The following GRAMD1B variants were observed in gnomAD, a reference collection of about 807,000 sequenced individuals.
GRAMD1B encodes protein Aster-B.
Under a neutral mutation model 99.7 loss-of-function variants are expected in GRAMD1B, and 37 were observed. That is an observed-to-expected ratio of 0.37 (90% confidence interval 0.29 to 0.49). The LOEUF (loss-of-function observed/expected upper bound fraction) is 0.49. Among genes scored for constraint, GRAMD1B ranks in the 20% least tolerant of loss-of-function variants. The pLI, the probability that GRAMD1B is intolerant of heterozygous loss-of-function variation, is 0.98. For synonymous variants in GRAMD1B, 427 were observed against 387.6 expected (o/e 1.10, Z -1.19); for missense variants, 888 against 1,009.2 (o/e 0.88, Z 1.63).
intron 1 of GRAMD1B, among the ~76,000 whole-genome samples, chr11:123,445,191 G>A (rs998275587): frequency 6.6e-6 from 1 of 152,200 alleles, no homozygotes; most frequent in Non-Finnish European, 1.5e-5. Context: ...TCTCCAAAGT[G>A]GGAAGAGTGT....
At chr11:123,559,980 G>A (rs1946533589) in intron 2 of GRAMD1B, among the ~76,000 whole-genome samples, 1 of 152,156 alleles carries the variant, frequency 6.6e-6, no homozygotes, top group Admixed American at 6.5e-5. Context: ...GCAGCACCTG[G>A]GAAATAATTG....
At chr11:123,483,391 CTTTTT>C (rs67407274) in intron 2 of GRAMD1B, among the ~76,000 whole-genome samples, 1 of 134,180 alleles carries the variant, frequency 7.5e-6, no homozygotes. Context: ...TTTTCTTTTT[CTTTTT>C]TTTTTTTTTT....
At chr11:123,544,722 G>A (rs190245210) in intron 2 of GRAMD1B, among the ~76,000 whole-genome samples, 2 of 152,376 alleles carry the variant, frequency 1.3e-5, no homozygotes, top group East Asian at 3.9e-4. Context: ...TCAGAAGCCA[G>A]CAGGTGCACA....
At position 123,430,876 on chromosome 11, in the gene GRAMD1B, G is replaced by T; in HGVS notation, c.84G>T (p.Pro28=). 3 of 702,358 alleles carry T rather than the reference G, an allele frequency of 4.3e-6. No individual in the cohort carries two copies. In the South Asian group the frequency reaches 4.4e-5, roughly 10 times the overall value. 43.5% of individuals were successfully genotyped at this position (702,358 alleles called of 1,614,324 possible). A position where few individuals can be genotyped will look rare whatever the true frequency, so the allele number is the denominator to read the frequency against. ...CGCAGGGTGCGCCCGAGGGCAGCCC[G>T]GTCTGGTCCAGTTCGTCGACCCCCA... ...PEPQGAPEGS[P]VWSSSSTPTL... The change falls in exon 1 of 20, where the codon CCG becomes CCT. Residue 28 remains proline, a synonymous_variant. Coordinates refer to ENST00000635736, the MANE Select transcript of GRAMD1B (RefSeq NM_001387025.1).
intron 1 of GRAMD1B, among the ~76,000 whole-genome samples, chr11:123,378,419 T>G (rs1488352237): frequency 6.6e-6 from 1 of 152,220 alleles, no homozygotes; most frequent in Admixed American, 6.5e-5. Context: ...CTACTAGTTC[T>G]GAAGTCCAGT....
intron 4 of GRAMD1B, among the ~76,000 whole-genome samples, chr11:123,585,611 C>T (rs1000673040): frequency 6.6e-6 from 1 of 152,196 alleles, no homozygotes; most frequent in African/African-American, 2.4e-5. Flanking sequence ...AGGAGGTTTC[C>T]TGGCCTGTGG....
chr11:123,373,679 T>C (rs1008235948), intron 1 of GRAMD1B, among the ~76,000 whole-genome samples: 1 of 152,188 alleles, frequency 6.6e-6, no homozygotes, highest in Non-Finnish European at 1.5e-5. Context: ...TATTTGACTA[T>C]GAACAAGAAA....
At chr11:123,609,968 C>T in intron 13 of GRAMD1B, 55 bp downstream of exon 13, 2 of 1,076,800 alleles carry the variant, frequency 1.9e-6, no homozygotes, top group Non-Finnish European at 1.4e-6. Flanking sequence ...TGTGTTCTGT[C>T]TTGAAGGATT....
intron 1 of GRAMD1B, among the ~76,000 whole-genome samples, chr11:123,386,613 T>C (rs1846064975): frequency 6.6e-6 from 1 of 151,844 alleles, no homozygotes; most frequent in South Asian, 2.1e-4. Context: ...AATTTTTTGT[T>C]TTGTTTTGTA....
chr11:123,624,238 C>T lies in GRAMD1B; in HGVS notation c.*1643C>T, dbSNP rs1592329943. ...AGATGTCCCAGATGTCCCAGAACAT[C>T]AGCCCAAAAGACAGAAGATTTTATC... On this transcript the variant is annotated 3_prime_UTR_variant, in exon 20 of 20. Coordinates refer to ENST00000635736, the MANE Select transcript of GRAMD1B (RefSeq NM_001387025.1). 1 of 152,216 alleles carries T rather than the reference C, an allele frequency of 6.6e-6. No homozygotes were observed. The highest frequency in any genetic ancestry group is 1.9e-4 in the East Asian group (1 of 5,196). The allele number at this position is 152,216 out of a possible 1,614,324, so 9.4% of individuals were successfully genotyped here. A position where few individuals can be genotyped will look rare whatever the true frequency, so the allele number is the denominator to read the frequency against.
intron 1 of GRAMD1B, among the ~76,000 whole-genome samples, chr11:123,387,382 C>G (rs1041870006): frequency 6.6e-6 from 1 of 152,120 alleles, no homozygotes; most frequent in Non-Finnish European, 1.5e-5. Flanking sequence ...CACACATGTA[C>G]ATGAGGCCCA....
chr11:123,607,265 C>A (rs913041300), intron 11 of GRAMD1B, among the ~76,000 whole-genome samples: 8 of 152,328 alleles, frequency 5.3e-5, no homozygotes, highest in African/African-American at 1.9e-4. Context: ...GGTTTGGAGA[C>A]TCCCTTGTTT....
intron 2 of GRAMD1B, among the ~76,000 whole-genome samples, chr11:123,561,288 G>A (rs934979841): frequency 3.3e-5 from 5 of 152,172 alleles, no homozygotes; most frequent in Non-Finnish European, 5.9e-5. Context: ...AGTGCCTCCG[G>A]CGGGGGTAGG....
intron 1 of GRAMD1B, among the ~76,000 whole-genome samples, chr11:123,448,040 AAAGAG>A (rs1473602640): frequency 2.6e-5 from 4 of 152,042 alleles, no homozygotes; most frequent in African/African-American, 7.2e-5. Context: ...ATTTAAAAAA[AAAGAG>A]AGAGAGAGAG....
chr11:123,614,720 A>T, intron 16 of GRAMD1B, 25 bp from the exon 17 acceptor site: 1 of 1,473,318 alleles, frequency 6.8e-7, no homozygotes, highest in South Asian at 1.1e-5. Flanking sequence ...CACCATGGTG[A>T]TGGTCTCTTT....
intron 2 of GRAMD1B, chr11:123,526,038 TG>T: frequency 1.1e-6 from 1 of 892,728 alleles, no homozygotes; most frequent in South Asian, 1.4e-5. Flanking sequence ...TCACATTACA[TG>T]GGATTCTGTT....
At chr11:123,569,680 T>C (rs1947841440) in intron 2 of GRAMD1B, among the ~76,000 whole-genome samples, 1 of 152,240 alleles carries the variant, frequency 6.6e-6, no homozygotes, top group South Asian at 2.1e-4. Flanking sequence ...GGGAGTTGGC[T>C]AATTTGTATG....
intron 2 of GRAMD1B, among the ~76,000 whole-genome samples, chr11:123,505,981 T>G (rs2135231208): frequency 6.6e-6 from 1 of 152,320 alleles, no homozygotes; most frequent in Non-Finnish European, 1.5e-5. Flanking sequence ...TCTTTCTGTT[T>G]CATCACCATC....
In GRAMD1B at chr11:123,619,194, C is replaced by A. The variant is rs1288469485; in HGVS notation, c.2514C>A (p.Ile838=). The A allele has an allele frequency of 5.1e-6, 8 of 1,564,892 alleles. No individual in the cohort carries two copies. The highest frequency in any genetic ancestry group is 6.1e-6 in the Non-Finnish European group (7 of 1,154,628). Reference sequence around the variant, plus strand: ...CTGAGCTCCAAAAATGGAGGGAAATCATCAAATCCTCAGTGATGCTCCTTG... The same window carrying A: ...CTGAGCTCCAAAAATGGAGGGAAATAATCAAATCCTCAGTGATGCTCCTTG... The part of the protein sequence containing the change: ...HDTELQKWRE[I]IKSSVMLLDQ... The change falls in exon 19 of 20, where the codon ATC becomes ATA. Residue 838 remains isoleucine, a synonymous_variant. Transcript: ENST00000635736.
Sources: allele counts gnomAD v4.1 joint callset (sites outside exome capture counted in the v4.1 genomes callset), GRCh38; gene constraint gnomAD v4.1.1; transcripts MANE v1.5; gene names NCBI Gene and HGNC (gene_info 2026-07-23, HGNC 2026-07-21).